SUGCT: variants seen among roughly 807,000 people sequenced by gnomAD.
The protein encoded by SUGCT is succinyl-CoA:glutarate CoA-transferase.
In SUGCT, 41 loss-of-function variants were observed where a neutral mutation model predicts 55.0. The ratio of observed to expected loss-of-function variants is 0.74; its 90% confidence interval spans 0.58 to 0.97. The LOEUF is 0.97. SUGCT is among the 50% of genes least tolerant of loss of function. The pLI is 0.00. For synonymous variants in SUGCT, 187 were observed against 200.4 expected, an observed-to-expected ratio of 0.93 and a Z score of 0.56; for missense variants, 568 against 547.8, an observed-to-expected ratio of 1.04 and a Z score of -0.37.
chr7:40,316,555 T>C lies in SUGCT; in HGVS notation c.721-205T>C, dbSNP rs79849677. Among the ~76,000 whole-genome samples the C allele has an allele frequency of 0.042, 6,400 of 152,294 alleles. 459 individuals are homozygous for C. The highest frequency in any genetic ancestry group is 0.15 in the African/African-American group (6,026 of 41,532). On this transcript the variant is annotated intron_variant, in intron 8 of 13. Coordinates refer to ENST00000335693, the MANE Select transcript of SUGCT (RefSeq NM_001193313.2). The stretch of plus-strand genomic sequence containing the variant: ...TATGTATTTATATTTCTCAATTGAC[T>C]ATTACTTAGTCTCATGCAATAGTGT...
chr7:41,025,870 G>A, the SUGCT span, among the ~76,000 whole-genome samples: 1 of 152,150 alleles, frequency 6.6e-6, no homozygotes, highest in Non-Finnish European at 1.5e-5. Context: ...TTTCTGGAAA[G>A]CCCCTTGCCA....
At chr7:40,449,481 G>T in intron 10 of SUGCT, 123 bp downstream of exon 10, 1 of 695,682 alleles carries the variant, frequency 1.4e-6, no homozygotes. Flanking sequence ...GGATATTCAT[G>T]CGCATAAAGG....
At chr7:40,401,601 T>C (rs1224591198) in intron 9 of SUGCT, among the ~76,000 whole-genome samples, 1 of 152,248 alleles carries the variant, frequency 6.6e-6, no homozygotes, top group African/African-American at 2.4e-5. Flanking sequence ...CTTCCAACTT[T>C]GCAGTCTGGG....
downstream of SUGCT, among the ~76,000 whole-genome samples, chr7:40,862,904 A>C (rs1267304992): frequency 6.6e-6 from 1 of 151,986 alleles, no homozygotes; most frequent in Non-Finnish European, 1.5e-5. Context: ...CGTGTGTTTG[A>C]TCCATCTCCT....
intron 9 of SUGCT, among the ~76,000 whole-genome samples, chr7:40,397,349 C>G (rs1219745665): frequency 1.3e-5 from 2 of 152,168 alleles, no homozygotes; most frequent in Admixed American, 6.5e-5. Flanking sequence ...CTTCCTGATC[C>G]TGCCAACTGG....
rs75475136 is a variant in SUGCT at position 40,500,275 on chromosome 7, C to A, written c.1089+3889C>A. Among the ~76,000 whole-genome samples, 2 of 152,226 alleles carry A rather than the reference C, an allele frequency of 1.3e-5. 1 individual carries two copies. The highest frequency in any genetic ancestry group is 3.9e-4 in the East Asian group (2 of 5,188). On this transcript the variant is annotated intron_variant, in intron 12 of 13. Transcript: ENST00000335693. ...CAAACCTGGTGTTATTTAATAGAGT[C>A]TTCACATTTGTACCACACAAGTCGA...
At chr7:40,804,978 G>A (rs915838442) in intron 13 of SUGCT, among the ~76,000 whole-genome samples, 4 of 152,082 alleles carry the variant, frequency 2.6e-5, no homozygotes, top group East Asian at 1.9e-4. Context: ...AGGATCCTGC[G>A]TTTTCCCTTG....
intron 12 of SUGCT, among the ~76,000 whole-genome samples, chr7:40,502,298 T>C (rs535715491): frequency 6.6e-6 from 1 of 152,154 alleles, no homozygotes; most frequent in South Asian, 2.1e-4. Flanking sequence ...CATAATTGTT[T>C]TAATGTGTAA....
rs547294325 is a variant in SUGCT, at chr7:40,811,070, T to C, written c.1154-49246T>C. Among the ~76,000 whole-genome samples, 619 of 152,332 alleles carry C rather than the reference T, an allele frequency of 4.1e-3. 2 individuals carry two copies. Among genetic ancestry groups the C allele is most frequent in the South Asian group, 7.0e-3 (34 of 4,832 alleles). ...AACTTTGAGGAAGATCAGATGGCTA[T>C]AGGTATGCAACTTTATTTCTGCATT... On this transcript the variant is annotated intron_variant, in intron 13 of 13. Coordinates refer to ENST00000335693, the MANE Select transcript of SUGCT (RefSeq NM_001193313.2).
chr7:40,418,736 C>T (rs1787144026), intron 9 of SUGCT, among the ~76,000 whole-genome samples: 1 of 152,114 alleles, frequency 6.6e-6, no homozygotes, highest in African/African-American at 2.4e-5. Context: ...ACAGCTTCTC[C>T]CCTGTAATCC....
chr7:40,695,842 A>G (rs941314447), intron 12 of SUGCT, among the ~76,000 whole-genome samples: 19 of 152,140 alleles, frequency 1.2e-4, no homozygotes, highest in African/African-American at 4.1e-4. Context: ...GTTTGTGACA[A>G]TCAGAATGTC....
intron 6 of SUGCT, among the ~76,000 whole-genome samples, chr7:40,237,250 C>G (rs548096782): frequency 6.6e-6 from 1 of 151,900 alleles, no homozygotes; most frequent in African/African-American, 2.4e-5. Flanking sequence ...TTGAGACCAG[C>G]CTGGCCAACA....
chr7:40,742,562 C>G (rs1787520290), intron 12 of SUGCT, among the ~76,000 whole-genome samples: 2 of 152,140 alleles, frequency 1.3e-5, no homozygotes, highest in South Asian at 4.2e-4. Context: ...GGAGGCGGAG[C>G]TCAAGCTGTA....
Position 40,824,119 on chromosome 7 carries a change from TTCTC to T in SUGCT, c.1154-36194_1154-36191del, listed in dbSNP as rs1363490665. 8.5e-5 allele frequency among the ~76,000 whole-genome samples: 13 copies of T among 152,132 alleles called. No individual in the cohort carries two copies. In the East Asian group the frequency reaches 1.9e-3, roughly 23 times the overall value. On this transcript the variant is annotated intron_variant, in intron 13 of 13. Coordinates refer to ENST00000335693, the MANE Select transcript of SUGCT (RefSeq NM_001193313.2). ...AGCAGTGGATGAAAAATTTCTCCCT[TTCTC>T]TCATTCAGGTTCATGACAAGTAGCT... is the stretch of plus-strand genomic sequence containing the variant.
intron 1 of SUGCT, among the ~76,000 whole-genome samples, chr7:40,137,989 T>C (rs1370423567): frequency 6.6e-6 from 1 of 152,184 alleles, no homozygotes; most frequent in Non-Finnish European, 1.5e-5. Context: ...CAGCCAGTTA[T>C]GATTTTGTTT....
the SUGCT span, among the ~76,000 whole-genome samples, chr7:40,867,274 T>C: frequency 6.7e-6 from 1 of 150,340 alleles, no homozygotes; most frequent in African/African-American, 2.4e-5. Flanking sequence ...TATAAGCTTA[T>C]AAGAACATCT....
the SUGCT span, among the ~76,000 whole-genome samples, chr7:40,892,542 G>GT: frequency 2.3e-4 from 35 of 152,028 alleles, no homozygotes; most frequent in Admixed American, 3.3e-4. Flanking sequence ...TAAAATTAAA[G>GT]TTTTTTTTAG....
intron 8 of SUGCT, among the ~76,000 whole-genome samples, chr7:40,315,784 G>A (rs1394641817): frequency 1.3e-5 from 2 of 152,072 alleles, no homozygotes; most frequent in Non-Finnish European, 2.9e-5. Context: ...AAAGCAAGCC[G>A]GTGCTATATC....
chr7:40,920,897 C>G, the SUGCT span, among the ~76,000 whole-genome samples: 2 of 152,314 alleles, frequency 1.3e-5, no homozygotes, highest in Middle Eastern at 6.8e-3. Flanking sequence ...AAGAAAAGAA[C>G]AAAATGCCAA....
Sources: allele counts gnomAD v4.1 joint callset (sites outside exome capture counted in the v4.1 genomes callset), GRCh38; gene constraint gnomAD v4.1.1; transcripts MANE v1.5; gene names NCBI Gene and HGNC (gene_info 2026-07-23, HGNC 2026-07-21).